SLC22A2: variants seen among roughly 807,000 people sequenced by gnomAD.
SLC22A2 encodes organic cation transporter 2.
A neutral mutation model predicts 60.5 loss-of-function variants in SLC22A2; 46 were observed. That is an observed-to-expected ratio of 0.76 (90% confidence interval 0.60 to 0.97). The LOEUF is 0.97. Among genes scored for constraint, SLC22A2 ranks in the 50% least tolerant of loss-of-function variants. The pLI is 0.00. For missense variants in SLC22A2, 701 were observed against 706.6 expected (o/e 0.99, Z 0.09); for synonymous variants, 303 against 267.0 (o/e 1.13, Z -1.31).
intron 10 of SLC22A2, among the ~76,000 whole-genome samples, chr6:160,223,037 A>T (rs1184813455): frequency 6.6e-6 from 1 of 152,226 alleles, no homozygotes; most frequent in Admixed American, 6.5e-5. Context: ...GCCTCAGACC[A>T]CTGTGATTTA....
intron 9 of SLC22A2, among the ~76,000 whole-genome samples, chr6:160,236,584 G>A (rs540612786): frequency 7.9e-5 from 12 of 152,352 alleles, no homozygotes; most frequent in Non-Finnish European, 1.0e-4. Context: ...ACAGGACACA[G>A]TTGGAGAAAC....
intron 2 of SLC22A2, among the ~76,000 whole-genome samples, chr6:160,254,284 T>TA (rs948633794): frequency 6.0e-5 from 9 of 151,232 alleles, no homozygotes; most frequent in Non-Finnish European, 1.3e-4. Flanking sequence ...TCTCAAAAAA[T>TA]AAAAAAAATA....
At chr6:160,220,857 A>C (rs1343497123) in intron 10 of SLC22A2, among the ~76,000 whole-genome samples, 1 of 152,204 alleles carries the variant, frequency 6.6e-6, no homozygotes, top group Non-Finnish European at 1.5e-5. Flanking sequence ...TGCTGTAAAC[A>C]GATGTACTGT....
chr6:160,218,478 TAA>T lies in SLC22A2; in HGVS notation c.1602-982_1602-981del, dbSNP rs1406173775. Among the ~76,000 whole-genome samples the T allele has an allele frequency of 2.3e-4, 4 of 17,032 alleles. No individual in the cohort carries two copies. In the East Asian group the frequency reaches 5.8e-3, roughly 25 times the overall value. 11.2% of individuals were successfully genotyped at this position (17,032 alleles called of 152,430 possible). On this transcript the variant is annotated intron_variant, in intron 10 of 10. Coordinates refer to ENST00000366953, the MANE Select transcript of SLC22A2 (RefSeq NM_003058.4). The stretch of plus-strand genomic sequence containing the variant: ...GAAGCATCAGTGACAACAGCAGCAG[TAA>T]CAACAACAAAAGCAACAGCAGCAAC...
chr6:160,220,370 C>T (rs939651330), intron 10 of SLC22A2, among the ~76,000 whole-genome samples: 3 of 152,160 alleles, frequency 2.0e-5, no homozygotes, highest in Admixed American at 1.3e-4. Context: ...AGTTCTTTTG[C>T]TATTTCTATT....
chr6:160,256,830 A>G, intron 1 of SLC22A2, 113 bp from the exon 2 acceptor site: 1 of 723,552 alleles, frequency 1.4e-6, no homozygotes, highest in Non-Finnish European at 2.5e-6. Flanking sequence ...CTTGAATTGA[A>G]CTGTATAGTT....
chr6:160,241,413 A>C (rs1194724035), intron 9 of SLC22A2, 61 bp downstream of exon 9: 8 of 1,017,370 alleles, frequency 7.9e-6, no homozygotes, highest in African/African-American at 1.6e-5. Context: ...GAAGTAGAAG[A>C]GAAGTGAAGG....
rs1297143561 is a variant in SLC22A2 at position 160,258,464 on chromosome 6, C to G, written c.294G>C (p.Gln98His). The change falls in exon 1 of 11, where the codon CAG becomes CAC. Residue 98 changes from glutamine (Q) to histidine (H), a missense_variant. By Grantham distance (24) the Gln-to-His change is conservative. Transcript: ENST00000366953. ...QCRRYEVDWN[Q>H]STFDCVDPLA... ...GGGGGTCCACGCAGTCGAAGGTGCT[C>G]TGGTTCCAGTCCACCTCGTAGCGCC... 2 of 1,614,058 alleles carry G rather than the reference C, an allele frequency of 1.2e-6. No individual in the cohort carries two copies. Among genetic ancestry groups the G allele is most frequent in the East Asian group, 2.2e-5 (1 of 44,872 alleles).
At chr6:160,230,034 T>A (rs139773203) in intron 9 of SLC22A2, among the ~76,000 whole-genome samples, 1,591 of 151,848 alleles carry the variant, frequency 0.01, 69 homozygotes, top group African/African-American at 0.037. Context: ...CTTGCTTCTT[T>A]CCCTCCTGCC....
intron 7 of SLC22A2, 80 bp downstream of exon 7, chr6:160,243,491 AT>A: frequency 2.9e-6 from 3 of 1,046,874 alleles, no homozygotes; most frequent in Non-Finnish European, 4.4e-6. Flanking sequence ...GACAAATTAC[AT>A]GGTTTTCCTA....
At chr6:160,230,629 A>G (rs962872865) in intron 9 of SLC22A2, among the ~76,000 whole-genome samples, 1 of 151,988 alleles carries the variant, frequency 6.6e-6, no homozygotes, top group Non-Finnish European at 1.5e-5. Context: ...CCAAGTAGCA[A>G]TGTATTTCTG....
rs907058523 is a variant in SLC22A2 at position 160,246,963 on chromosome 6, TTC to T, written c.957+219_957+220del. On this transcript the variant is annotated intron_variant, in intron 5 of 10. Transcript: ENST00000366953. ...CACGTGACCTTTAAATGATTTCTGG[TTC>T]TCTTTTAGTTTGATGGTTTCCACCT... 1.1e-4 allele frequency among the ~76,000 whole-genome samples: 17 copies of T among 152,230 alleles called. 1 individual carries two copies. Among genetic ancestry groups the T allele is most frequent in the Admixed American group, 9.2e-4 (14 of 15,292 alleles).
intron 10 of SLC22A2, among the ~76,000 whole-genome samples, chr6:160,221,333 T>G (rs1362108138): frequency 6.6e-6 from 1 of 152,248 alleles, no homozygotes; most frequent in African/African-American, 2.4e-5. Context: ...GGAAAAGAGT[T>G]AGGGCTTTGT....
chr6:160,256,112 A>G (rs1406460839), intron 2 of SLC22A2, among the ~76,000 whole-genome samples: 1 of 151,950 alleles, frequency 6.6e-6, no homozygotes, highest in African/African-American at 2.4e-5. Flanking sequence ...TTCCACATAT[A>G]TGGTCATATA....
chr6:160,234,697 CAT>C (rs1284018626), intron 9 of SLC22A2, among the ~76,000 whole-genome samples: 2 of 152,184 alleles, frequency 1.3e-5, no homozygotes, highest in Non-Finnish European at 2.9e-5. Flanking sequence ...GGGTTCATGT[CAT>C]ATTTATCCCT....
In SLC22A2 at chr6:160,217,146, C is replaced by T; in HGVS notation, c.*286G>A. ...TAGATAGCATTGCAAAGAAAAGAATCAAATTTAAAAAAATACAAAGATGGA... is the reference window on the plus strand; with the variant it reads ...TAGATAGCATTGCAAAGAAAAGAATTAAATTTAAAAAAATACAAAGATGGA... On this transcript the variant is annotated 3_prime_UTR_variant, in exon 11 of 11. Transcript: ENST00000366953. The T allele has an allele frequency of 3.4e-6, 1 of 289,864 alleles. No homozygotes were observed. Among genetic ancestry groups the T allele is most frequent in the Non-Finnish European group, 6.3e-6 (1 of 158,296 alleles). The allele number at this position is 289,864 out of a possible 1,614,324, so 18.0% of individuals were successfully genotyped here.
Position 160,249,230 on chromosome 6 carries a change from GAAGAA to G in SLC22A2, c.823_827del (p.Phe275LeufsTer9). On this transcript the variant is annotated frameshift_variant, in exon 4 of 11. Transcript: ENST00000366953. LOFTEE classifies it high-confidence loss of function. ...AATGGACTTACCAGTAATAGAGCAA[GAAGAA>G]GAAGTTGGGCAGAGAAACTGTGAAC... 1 of 1,593,952 alleles carries G rather than the reference GAAGAA, an allele frequency of 6.3e-7. No individual in the cohort carries two copies. The highest frequency in any genetic ancestry group is 8.5e-7 in the Non-Finnish European group (1 of 1,169,788).
At chr6:160,257,706 C>T (rs1285950481) in intron 1 of SLC22A2, 1 of 152,142 alleles carries the variant, frequency 6.6e-6, no homozygotes, top group Non-Finnish European at 1.5e-5. Context: ...CTTAATTCCC[C>T]TATTTTGCTT....
intron 9 of SLC22A2, among the ~76,000 whole-genome samples, chr6:160,227,609 G>T (rs1008108696): frequency 4.6e-5 from 7 of 152,156 alleles, no homozygotes; most frequent in South Asian, 4.1e-4. Flanking sequence ...ACTCATATTT[G>T]GCTCAGAATA....
Sources: allele counts gnomAD v4.1 joint callset (sites outside exome capture counted in the v4.1 genomes callset), GRCh38; gene constraint gnomAD v4.1.1; transcripts MANE v1.5; gene names NCBI Gene and HGNC (gene_info 2026-07-23, HGNC 2026-07-21).